Variants in B3GLCT observed in about 807,000 individuals in gnomAD.
B3GLCT encodes the protein beta-1,3-glucosyltransferase.
In B3GLCT, 65 loss-of-function variants were observed where a neutral mutation model predicts 63.4. The observed-to-expected ratio is 1.03, with a 90% CI of 0.84 to 1.26. The LOEUF is 1.26. B3GLCT is among the 50% of genes most tolerant of loss of function. The pLI is 0.00. For synonymous variants in B3GLCT, 233 were observed against 219.2 expected, an observed-to-expected ratio of 1.06 and a Z score of -0.55; for missense variants, 577 against 604.8, an observed-to-expected ratio of 0.95 and a Z score of 0.48.
At chr13:31,235,422 T>G (rs1870599167) in intron 4 of B3GLCT, among the ~76,000 whole-genome samples, 1 of 151,942 alleles carries the variant, frequency 6.6e-6, no homozygotes, top group African/African-American at 2.4e-5. Flanking sequence ...GGAAGACCAG[T>G]GTCTAGGGGC....
In B3GLCT at chr13:31,276,691, CTTTT is replaced by C; in HGVS notation, c.781-6_781-3del. 1 of 1,592,070 alleles carries C rather than the reference CTTTT, an allele frequency of 6.3e-7. No individual in the cohort carries two copies. Among genetic ancestry groups the C allele is most frequent in the Non-Finnish European group, 8.6e-7 (1 of 1,161,580 alleles). On this transcript the variant is annotated splice_polypyrimidine_tract_variant and splice_region_variant and intron_variant, in intron 9 of 14. Transcript: ENST00000343307. ...CACATATGCATACATTTTTTCTTTT[CTTTT>C]TTTTAGAGAAAGCCAGTGAAGAAGA...
At chr13:31,210,836 T>C (rs1177122225) in intron 1 of B3GLCT, among the ~76,000 whole-genome samples, 3 of 152,070 alleles carry the variant, frequency 2.0e-5, no homozygotes, top group Non-Finnish European at 4.4e-5. Context: ...CCTGGAACTT[T>C]TGGATACAAG....
chr13:31,322,372 C>T (rs915646293), intron 13 of B3GLCT, among the ~76,000 whole-genome samples: 1 of 152,232 alleles, frequency 6.6e-6, no homozygotes, highest in African/African-American at 2.4e-5. Context: ...AAGTCCCAGA[C>T]TCCCATTTCA....
chr13:31,238,359 C>T (rs1208667429), intron 4 of B3GLCT, among the ~76,000 whole-genome samples: 1 of 152,204 alleles, frequency 6.6e-6, no homozygotes, highest in Admixed American at 6.5e-5. Flanking sequence ...CCCTTGTTTT[C>T]TGCAACAAGG....
At chr13:31,258,894 C>G (rs1240840373) in intron 6 of B3GLCT, among the ~76,000 whole-genome samples, 1 of 152,132 alleles carries the variant, frequency 6.6e-6, no homozygotes, top group Non-Finnish European at 1.5e-5. Context: ...TTCATTCTGT[C>G]TCTCCTTAGT....
chr13:31,281,119 G>A lies in B3GLCT; in HGVS notation c.851-3529G>A, dbSNP rs181362227. Among the ~76,000 whole-genome samples the A allele has an allele frequency of 3.7e-3, 565 of 152,084 alleles. 3 individuals carry two copies. The highest frequency in any genetic ancestry group is 9.2e-3 in the Admixed American group (141 of 15,256). Reference sequence around the variant, plus strand: ...TTTGTGTACATGTCTCATGTACCTCGTGGCAGCCACTGGTTTTGTTCATCA... The same window carrying A: ...TTTGTGTACATGTCTCATGTACCTCATGGCAGCCACTGGTTTTGTTCATCA... On this transcript the variant is annotated intron_variant, in intron 10 of 14. Coordinates refer to ENST00000343307, the MANE Select transcript of B3GLCT (RefSeq NM_194318.4).
Position 31,315,529 on chromosome 13 carries a change from A to T in B3GLCT, c.1065-2037A>T, listed in dbSNP as rs910587428. Among the ~76,000 whole-genome samples the T allele has an allele frequency of 4.6e-5, 7 of 152,350 alleles. No individual in the cohort carries two copies. The East Asian group carries it at 5.8e-4, about 13-fold the overall frequency. On this transcript the variant is annotated intron_variant, in intron 12 of 14. Transcript: ENST00000343307. ...TCATGAGGTGACCTGGCTTATTCTG[A>T]AAGCATTCAGTCATATTCATTCACA...
intron 12 of B3GLCT, among the ~76,000 whole-genome samples, chr13:31,298,493 A>G (rs1874067283): frequency 6.6e-6 from 1 of 152,210 alleles, no homozygotes; most frequent in Admixed American, 6.5e-5. Flanking sequence ...CTTTTTAGAT[A>G]TCTGTTATAA....
chr13:31,246,946 CT>C, intron 4 of B3GLCT, 76 bp from the exon 5 acceptor site: 1 of 1,011,086 alleles, frequency 9.9e-7, no homozygotes, highest in Admixed American at 2.7e-5. Context: ...CTTTTCTTTT[CT>C]TTTCTTTTTT....
At chr13:31,218,513 T>C (rs2137751881) in intron 2 of B3GLCT, among the ~76,000 whole-genome samples, 1 of 152,320 alleles carries the variant, frequency 6.6e-6, no homozygotes, top group East Asian at 1.9e-4. Flanking sequence ...GCTTTCTTAA[T>C]TTGCTGTCAG....
chr13:31,212,615 G>T (rs959096372), intron 1 of B3GLCT, among the ~76,000 whole-genome samples: 1 of 152,070 alleles, frequency 6.6e-6, no homozygotes, highest in African/African-American at 2.4e-5. Context: ...TCCCTATACT[G>T]CCCAGGCTGG....
At chr13:31,312,562 G>A (rs1799749579) in intron 12 of B3GLCT, 1 of 152,126 alleles carries the variant, frequency 6.6e-6, no homozygotes, top group South Asian at 2.1e-4. Context: ...AGAGACCAAA[G>A]AAAGAGTAAA....
chr13:31,203,574 A>G (rs983576053), intron 1 of B3GLCT, among the ~76,000 whole-genome samples: 2 of 152,180 alleles, frequency 1.3e-5, no homozygotes, highest in African/African-American at 4.8e-5. Context: ...GGTGTGTTTT[A>G]CTAGACTCAT....
intron 12 of B3GLCT, chr13:31,312,961 C>G (rs528196470): frequency 1.1e-4 from 17 of 152,210 alleles, no homozygotes; most frequent in Non-Finnish European, 2.2e-4. Flanking sequence ...AGAACATTTT[C>G]TAGTCACTCA....
At chr13:31,283,193 G>A (rs1873154459) in intron 10 of B3GLCT, 1 of 152,224 alleles carries the variant, frequency 6.6e-6, no homozygotes, top group African/African-American at 2.4e-5. Flanking sequence ...GCTGGGGACT[G>A]AGGAAAGTTC....
intron 14 of B3GLCT, 67 bp downstream of exon 14, chr13:31,323,962 T>C: frequency 6.3e-7 from 1 of 1,578,470 alleles, no homozygotes; most frequent in Non-Finnish European, 8.7e-7. Context: ...CTTAAGGATT[T>C]GACTTCTTTC....
chr13:31,237,946 C>T (rs574135070), intron 4 of B3GLCT, among the ~76,000 whole-genome samples: 52 of 152,202 alleles, frequency 3.4e-4, no homozygotes, highest in Middle Eastern at 3.4e-3. Context: ...CATGAACATT[C>T]GTAAAAGTTG....
intron 12 of B3GLCT, among the ~76,000 whole-genome samples, chr13:31,302,344 C>A (rs570210748): frequency 1.1e-4 from 16 of 151,988 alleles, no homozygotes; most frequent in Non-Finnish European, 2.1e-4. Context: ...CGAATAGGAA[C>A]AGCTCCGGTC....
intron 13 of B3GLCT, among the ~76,000 whole-genome samples, chr13:31,319,187 G>C (rs114262229): frequency 0.062 from 9,394 of 152,220 alleles, 345 homozygotes; most frequent in Non-Finnish European, 0.082. Context: ...GCCCCTGGCA[G>C]GCTGTGCTAG....
Sources: gnomAD v4.1 joint callset for allele counts (sites outside exome capture counted in the v4.1 genomes callset) on GRCh38, gnomAD v4.1.1 for gene constraint, MANE v1.5 for transcripts, NCBI Gene and HGNC (gene_info 2026-07-23, HGNC 2026-07-21) for gene names.